The following ADAMTS17 variants were observed in gnomAD, a reference collection of about 807,000 sequenced individuals.
ADAMTS17 encodes the protein ADAM metallopeptidase with thrombospondin type 1 motif 17.
Under a neutral mutation model 141.5 loss-of-function variants are expected in ADAMTS17, and 113 were observed. The ratio of observed to expected loss-of-function variants is 0.80; its 90% CI spans 0.69 to 0.93. The LOEUF (loss-of-function observed/expected upper bound fraction) is 0.93, where lower values mean the gene tolerates loss of function less well. ADAMTS17 is among the 40% of genes least tolerant of loss of function. The probability of loss-of-function intolerance (pLI) is 0.00; values close to 1 mark genes in which losing one functional copy is unlikely to be tolerated. For missense variants in ADAMTS17, 1,659 were observed against 1,517.9 expected (o/e 1.09, Z -1.54); for synonymous variants, 768 against 630.6 (o/e 1.22, Z -3.27).
At chr15:100,338,079 G>A (rs76650004) in intron 2 of ADAMTS17, among the ~76,000 whole-genome samples, 1,639 of 152,310 alleles carry the variant, frequency 0.011, 87 homozygotes, top group Admixed American at 0.094. Flanking sequence ...CAATGAAGAA[G>A]CATAAACAGA....
At chr15:100,089,446 T>G (rs2035311687) in intron 15 of ADAMTS17, among the ~76,000 whole-genome samples, 1 of 150,444 alleles carries the variant, frequency 6.6e-6, no homozygotes, top group Admixed American at 6.6e-5. Context: ...GATCTAGAAC[T>G]AGAAATAACA....
chr15:100,234,399 A>G (rs941856618), intron 7 of ADAMTS17, among the ~76,000 whole-genome samples: 30 of 152,184 alleles, frequency 2.0e-4, no homozygotes, highest in African/African-American at 6.5e-4. Context: ...ACCAGTAAGG[A>G]AGATGAAGGA....
At chr15:100,134,030 A>G (rs1027757815) in intron 10 of ADAMTS17, among the ~76,000 whole-genome samples, 3 of 152,266 alleles carry the variant, frequency 2.0e-5, no homozygotes, top group Non-Finnish European at 4.4e-5. Flanking sequence ...AAATCTGGGC[A>G]TCGACAAAGT....
In ADAMTS17 at chr15:100,341,417, G is replaced by C. The variant is rs1437467628; in HGVS notation, c.80-8C>G. On this transcript the variant is annotated splice_polypyrimidine_tract_variant and splice_region_variant and intron_variant, in intron 1 of 21. Coordinates refer to ENST00000268070, the MANE Select transcript of ADAMTS17 (RefSeq NM_139057.4). ...CCGCCGCGTCGCCGACAGCTGCGGGGAGAGAGGAGACGCGTCAGCGCGGCG... is the reference window on the plus strand; with the variant it reads ...CCGCCGCGTCGCCGACAGCTGCGGGCAGAGAGGAGACGCGTCAGCGCGGCG... The C allele has an allele frequency of 9.8e-7, 1 of 1,016,046 alleles. No homozygotes were observed. Among genetic ancestry groups the C allele is most frequent in the Non-Finnish European group, 1.2e-6 (1 of 851,676 alleles). 62.9% of individuals were successfully genotyped at this position (1,016,046 alleles called of 1,614,324 possible).
chr15:100,245,154 G>A (rs112908682), intron 7 of ADAMTS17, among the ~76,000 whole-genome samples: 55 of 152,232 alleles, frequency 3.6e-4, no homozygotes, highest in African/African-American at 1.2e-3. Flanking sequence ...GTGGAAGAAT[G>A]ACAGGGCAGT....
intron 3 of ADAMTS17, among the ~76,000 whole-genome samples, chr15:100,327,548 G>A (rs1026682478): frequency 6.6e-6 from 1 of 152,192 alleles, no homozygotes; most frequent in Non-Finnish European, 1.5e-5. Flanking sequence ...AATACACCAT[G>A]GGGGAGGAGA....
chr15:100,181,331 G>A (rs2040517737), intron 8 of ADAMTS17, among the ~76,000 whole-genome samples: 1 of 152,180 alleles, frequency 6.6e-6, no homozygotes, highest in Non-Finnish European at 1.5e-5. Context: ...TACCTAAGGT[G>A]CAAGACAAAG....
At chr15:100,219,420 G>GT (rs2042064845) in intron 7 of ADAMTS17, among the ~76,000 whole-genome samples, 2 of 152,152 alleles carry the variant, frequency 1.3e-5, no homozygotes, top group South Asian at 4.1e-4. Flanking sequence ...TAAAAGCAAT[G>GT]TTTTTTCCTA....
chr15:100,084,048 A>G (rs2034925858), intron 15 of ADAMTS17, among the ~76,000 whole-genome samples: 1 of 151,882 alleles, frequency 6.6e-6, no homozygotes, highest in Admixed American at 6.6e-5. Flanking sequence ...GTGAGGCATC[A>G]CCTCACCCGG....
At chr15:100,192,831 T>C (rs1364008003) in intron 8 of ADAMTS17, among the ~76,000 whole-genome samples, 1 of 152,228 alleles carries the variant, frequency 6.6e-6, no homozygotes, top group Non-Finnish European at 1.5e-5. Context: ...ACTCCAGTTA[T>C]GGGAACATTT....
chr15:100,224,314 G>C (rs894759831), intron 7 of ADAMTS17, among the ~76,000 whole-genome samples: 1 of 152,164 alleles, frequency 6.6e-6, no homozygotes, highest in African/African-American at 2.4e-5. Context: ...AGTGAGTACA[G>C]GAGGGTGGGG....
intron 15 of ADAMTS17, among the ~76,000 whole-genome samples, chr15:100,058,609 G>A (rs1318971117): frequency 4.6e-5 from 7 of 152,260 alleles, no homozygotes; most frequent in Non-Finnish European, 1.0e-4. Context: ...GCTGCACAGA[G>A]GTGGCGGCTG....
chr15:100,327,600 G>A (rs2045936787), intron 3 of ADAMTS17, among the ~76,000 whole-genome samples: 1 of 152,204 alleles, frequency 6.6e-6, no homozygotes, highest in African/African-American at 2.4e-5. Flanking sequence ...ATGCTGGGAG[G>A]AAGATTCTAA....
At chr15:99,974,694 G>C (rs62040995) in intron 21 of ADAMTS17, 132 bp from the exon 22 acceptor site, 5 of 1,216,944 alleles carry the variant, frequency 4.1e-6, no homozygotes, top group East Asian at 4.9e-5. Context: ...CCTTTGCACT[G>C]ATTAGGCCAT....
At chr15:100,098,649 C>T (rs1469178435) in intron 14 of ADAMTS17, among the ~76,000 whole-genome samples, 5 of 136,462 alleles carry the variant, frequency 3.7e-5, no homozygotes, top group African/African-American at 1.1e-4. Flanking sequence ...GGCAACAGAG[C>T]AAGAGTCCGT....
intron 15 of ADAMTS17, among the ~76,000 whole-genome samples, chr15:100,094,766 C>A (rs1377362221): frequency 6.6e-6 from 1 of 152,224 alleles, no homozygotes. Flanking sequence ...CCTTTACCAA[C>A]TGCAGGAGTT....
chr15:100,279,234 C>T (rs1347929235), intron 4 of ADAMTS17, among the ~76,000 whole-genome samples: 1 of 152,204 alleles, frequency 6.6e-6, no homozygotes, highest in South Asian at 2.1e-4. Context: ...CTATCCTACC[C>T]GCACTCTGAG....
chr15:100,195,721 T>C (rs2041091786), intron 8 of ADAMTS17, among the ~76,000 whole-genome samples: 1 of 150,650 alleles, frequency 6.6e-6, no homozygotes, highest in Admixed American at 6.6e-5. Context: ...CTCTCCATGA[T>C]ACGGTCATTG....
At chr15:100,052,382 G>A (rs190680730) in intron 16 of ADAMTS17, among the ~76,000 whole-genome samples, 4 of 152,318 alleles carry the variant, frequency 2.6e-5, no homozygotes, top group Admixed American at 2.6e-4. Context: ...TTAAAATCTT[G>A]AAGTGACAAT....
Sources: allele counts gnomAD v4.1 joint callset (sites outside exome capture counted in the v4.1 genomes callset), GRCh38; gene constraint gnomAD v4.1.1; transcripts MANE v1.5; gene names NCBI Gene and HGNC (gene_info 2026-07-23, HGNC 2026-07-21).